ARAP1: variants seen among roughly 807,000 people sequenced by gnomAD.
The protein encoded by ARAP1 is arf-GAP with Rho-GAP domain, ANK repeat and PH domain-containing protein 1.
ARAP1 carries 76 observed loss-of-function variants against 172.2 expected under a neutral mutation model. The observed-to-expected ratio is 0.44, with a 90% confidence interval of 0.37 to 0.53. The LOEUF (loss-of-function observed/expected upper bound fraction) is 0.53, where lower values mean the gene tolerates loss of function less well. Ranked by LOEUF, ARAP1 falls within the 20% of genes least tolerant of loss-of-function variation. ARAP1 has a pLI of 0.00. For missense variants in ARAP1, 1,686 were observed against 1,977.5 expected, an observed-to-expected ratio of 0.85 and a Z score of 2.80; for synonymous variants, 804 against 803.3, an observed-to-expected ratio of 1.00 and a Z score of -0.01.
intron 1 of ARAP1, among the ~76,000 whole-genome samples, chr11:72,736,238 CCTTTT>C (rs1235420131): frequency 7.4e-6 from 1 of 135,142 alleles, no homozygotes; most frequent in Non-Finnish European, 1.6e-5. Context: ...ATTTTAGTTA[CCTTTT>C]TTTTTTTTTT....
intron 31 of ARAP1, 59 bp downstream of exon 31, chr11:72,688,396 A>T (rs905458419): frequency 1.3e-6 from 2 of 1,495,704 alleles, no homozygotes; most frequent in African/African-American, 2.8e-5. Flanking sequence ...TGCCTCCCCC[A>T]TCAGTTCTGA....
At position 72,695,859 on chromosome 11, in the gene ARAP1, CTG is replaced by C; in HGVS notation, c.3277_3278del (p.Gln1093ValfsTer40). On this transcript the variant is annotated frameshift_variant, in exon 24 of 35. Coordinates refer to ENST00000393609, the MANE Select transcript of ARAP1 (RefSeq NM_001040118.3). LOFTEE classifies it high-confidence loss of function. This position sits in a 1 kb window ranked among gnomAD's most constrained non-coding sequence, Gnocchi z 4.4. ...KALISHLYCV[Q>X]CFSDTNQMNV... ...TCATCTGGTTCGTGTCTGAGAAGCA[CTG>C]AACACTGGAGAGGGGAGGAGGAGGG... 3 of 1,611,750 alleles carry C rather than the reference CTG, an allele frequency of 1.9e-6. No individual in the cohort carries two copies. The highest frequency in any genetic ancestry group is 1.7e-6 in the Non-Finnish European group (2 of 1,178,688).
At chr11:72,716,395 C>T (rs763566887) in intron 3 of ARAP1, among the ~76,000 whole-genome samples, 2 of 152,238 alleles carry the variant, frequency 1.3e-5, no homozygotes, top group African/African-American at 2.4e-5. Flanking sequence ...AGCTGGCCTT[C>T]GGCTAGGTTT....
intron 3 of ARAP1, among the ~76,000 whole-genome samples, chr11:72,716,044 G>T (rs1857255708): frequency 6.6e-6 from 1 of 151,802 alleles, no homozygotes; most frequent in Non-Finnish European, 1.5e-5. Context: ...GTGGTGGCAG[G>T]CGCCTGTAGT....
Position 72,710,270 on chromosome 11 carries a change from G to A in ARAP1, c.1416+115C>T, listed in dbSNP as rs1856955193. 3.0e-6 allele frequency: 4 copies of A among 1,318,882 alleles called. No homozygotes were observed. The highest frequency in any genetic ancestry group is 2.3e-5 in the East Asian group (1 of 43,206). 81.7% of individuals were successfully genotyped at this position (1,318,882 alleles called of 1,614,324 possible). ...GAGCGAGGACATATCCAGGCAAAGG[G>A]CTGGGCCCAGTGCAGGAAAAGAGGG... On this transcript the variant is annotated intron_variant, in intron 10 of 34. Coordinates refer to ENST00000393609, the MANE Select transcript of ARAP1 (RefSeq NM_001040118.3). The surrounding 1 kb of genome is among the most constrained non-coding windows in gnomAD (Gnocchi z 4.3).
At chr11:72,720,913 C>A (rs1247399800) in intron 3 of ARAP1, among the ~76,000 whole-genome samples, 1 of 152,218 alleles carries the variant, frequency 6.6e-6, no homozygotes, top group Non-Finnish European at 1.5e-5. Context: ...TCCCACAGGC[C>A]AGCCCTGCTG....
In ARAP1 at chr11:72,725,700, C is replaced by T. The variant is rs1200179507; in HGVS notation, c.509+920G>A. On this transcript the variant is annotated intron_variant, in intron 3 of 34. Transcript: ENST00000393609. This position sits in a 1 kb window ranked among gnomAD's most constrained non-coding sequence, Gnocchi z 4.3. ...CCCTCTGATTTGTTCATGTCCTGCT[C>T]GTAAAGCCAGTACACAAATCTCCCA... Among the ~76,000 whole-genome samples, 1 of 152,054 alleles carries T rather than the reference C, an allele frequency of 6.6e-6. No homozygotes were observed. The highest frequency in any genetic ancestry group is 1.5e-5 in the Non-Finnish European group (1 of 68,026).
rs148697761 is a variant in ARAP1, at chr11:72,693,312, C to T, written c.3954+13G>A. 9.1e-5 allele frequency: 146 copies of T among 1,612,362 alleles called. No homozygotes were observed. Among genetic ancestry groups the T allele is most frequent in the African/African-American group, 6.4e-4 (48 of 74,988 alleles). Reference sequence around the variant, plus strand: ...GTGCCCACCCTGGGGCAGAACCCAGCGGGGCCACTTACCCGGACCTCCTTG... The same window carrying T: ...GTGCCCACCCTGGGGCAGAACCCAGTGGGGCCACTTACCCGGACCTCCTTG... On this transcript the variant is annotated intron_variant, in intron 29 of 34. Transcript: ENST00000393609. This position sits in a 1 kb window ranked among gnomAD's most constrained non-coding sequence, Gnocchi z 4.6.
rs200958838 is a variant in ARAP1 at position 72,704,334 on chromosome 11, G to A, written c.1810C>T (p.Leu604Phe). ...GCGCCATTCCCCAGCTGTAAGAAGA[G>A]CTGTGGGGGTGTGCAGGAGGTCAGA... is the stretch of plus-strand genomic sequence containing the variant. ...RKVWTETLIE[L>F]FLQLGNGAGN... The change falls in exon 14 of 35, where the codon CTC becomes TTC. Residue 604 changes from leucine to phenylalanine, a missense_variant and splice_region_variant. Leu to Phe is a conservative substitution (Grantham distance 22). Around this residue, in one of 5 missense-constraint regions of ARAP1, gnomAD observed 688 missense variants for 856.9 expected, o/e 0.80. Coordinates refer to ENST00000393609, the MANE Select transcript of ARAP1 (RefSeq NM_001040118.3). 11 of 1,573,128 alleles carry A rather than the reference G, an allele frequency of 7.0e-6. No homozygotes were observed. The East Asian group carries it at 1.6e-4, about 23-fold the overall frequency.
chr11:72,729,973 T>C (rs1167793249), intron 2 of ARAP1, among the ~76,000 whole-genome samples: 3 of 143,976 alleles, frequency 2.1e-5, no homozygotes, highest in African/African-American at 7.6e-5. Flanking sequence ...CTTCTGGAAA[T>C]GAAACAAGTC....
intron 34 of ARAP1, 137 bp from the exon 35 acceptor site, chr11:72,685,818 C>T (rs752563680): frequency 7.2e-7 from 1 of 1,384,346 alleles, no homozygotes; most frequent in Non-Finnish European, 1.0e-6. Context: ...CTCCCAGCTC[C>T]CAGGGCCAGG....
chr11:72,703,172 G>C, intron 14 of ARAP1, 93 bp from the exon 15 acceptor site: 26 of 1,256,088 alleles, frequency 2.1e-5, no homozygotes, highest in Non-Finnish European at 2.5e-5. Flanking sequence ...AAAGGAAGGA[G>C]TCACCCAGGC....
At chr11:72,714,003 G>T in intron 4 of ARAP1, 149 bp downstream of exon 4, 1 of 834,052 alleles carries the variant, frequency 1.2e-6, no homozygotes, top group Non-Finnish European at 1.7e-6. Context: ...ATAGCGCTCA[G>T]GGAGGCTGTG....
At position 72,697,659 on chromosome 11, in the gene ARAP1, G is replaced by C. The variant is rs772177978; in HGVS notation, c.2738-10C>G. ...CTGTCCCCCTGGATGGCTGTGGAGG[G>C]GTTAGTCAAGGTGAGGCCCAGGTCT... On this transcript the variant is annotated splice_polypyrimidine_tract_variant and intron_variant, in intron 19 of 34. Coordinates refer to ENST00000393609, the MANE Select transcript of ARAP1 (RefSeq NM_001040118.3). 2.5e-6 allele frequency: 4 copies of C among 1,613,878 alleles called. No individual in the cohort carries two copies.
At chr11:72,728,878 C>A (rs946452833) in intron 2 of ARAP1, among the ~76,000 whole-genome samples, 2 of 152,106 alleles carry the variant, frequency 1.3e-5, no homozygotes, top group African/African-American at 2.4e-5. Context: ...TAAATGTACA[C>A]AATCCAATTA....
At chr11:72,750,274 C>T (rs1249537396) in intron 1 of ARAP1, among the ~76,000 whole-genome samples, 2 of 152,102 alleles carry the variant, frequency 1.3e-5, no homozygotes, top group Admixed American at 1.3e-4. Flanking sequence ...CCAGGGTCAG[C>T]GCTGGACAGG....
At position 72,686,591 on chromosome 11, in the gene ARAP1, T is replaced by A. The variant is rs1855695163; in HGVS notation, c.4186-400A>T. Among the ~76,000 whole-genome samples, 2 of 152,142 alleles carry A rather than the reference T, an allele frequency of 1.3e-5. 1 individual carries two copies. The highest frequency in any genetic ancestry group is 2.9e-5 in the Non-Finnish European group (2 of 68,020). ...TCAGCCTAGCACCCTGGTTGTTTTGTCTCCCTTTCCCTAAACACATATGAG... is the reference window on the plus strand; with the variant it reads ...TCAGCCTAGCACCCTGGTTGTTTTGACTCCCTTTCCCTAAACACATATGAG... On this transcript the variant is annotated intron_variant, in intron 33 of 34. Coordinates refer to ENST00000393609, the MANE Select transcript of ARAP1 (RefSeq NM_001040118.3).
intron 1 of ARAP1, among the ~76,000 whole-genome samples, chr11:72,746,568 C>T (rs1300429805): frequency 6.6e-6 from 1 of 152,184 alleles, no homozygotes; most frequent in Non-Finnish European, 1.5e-5. Context: ...CTAAAATCCT[C>T]GAATCTCACC....
chr11:72,693,065 G>T lies in ARAP1; in HGVS notation c.3954+260C>A, dbSNP rs1591173975. On this transcript the variant is annotated intron_variant, in intron 29 of 34. Transcript: ENST00000393609. The surrounding 1 kb of genome is among the most constrained non-coding windows in gnomAD (Gnocchi z 4.6). ...CTGTGGATGCAGTGATAAGGCACAG[G>T]CACAGTGAGACAGAGCATGGGCATG... The T allele has an allele frequency of 3.1e-6, 2 of 648,194 alleles. No individual in the cohort carries two copies. Among genetic ancestry groups the T allele is most frequent in the Non-Finnish European group, 5.3e-6 (2 of 374,674 alleles). 40.2% of individuals were successfully genotyped at this position (648,194 alleles called of 1,614,324 possible). A position where few individuals can be genotyped will look rare whatever the true frequency, so the allele number is the denominator to read the frequency against.
Sources: gnomAD v4.1 joint callset for allele counts (sites outside exome capture counted in the v4.1 genomes callset) on GRCh38, gnomAD v4.1.1 for gene constraint, gnomAD v4.1.1 regional missense constraint, Gnocchi (gnomAD v3.1) non-coding constraint, MANE v1.5 for transcripts, NCBI Gene and HGNC (gene_info 2026-07-23, HGNC 2026-07-21) for gene names.